TSPEAR: variants seen among roughly 807,000 people sequenced by gnomAD.
TSPEAR encodes thrombospondin-type laminin G domain and EAR repeat-containing protein.
Under a neutral mutation model 71.6 loss-of-function variants are expected in TSPEAR, and 69 were observed. That is an observed-to-expected ratio of 0.96 (90% CI 0.79 to 1.18). TSPEAR has a LOEUF of 1.18. Among genes scored for constraint, TSPEAR ranks in the 50% most tolerant of loss-of-function variants. The pLI is 0.00. For synonymous variants in TSPEAR, 402 were observed against 387.2 expected (o/e 1.04, Z -0.45); for missense variants, 971 against 894.9 (o/e 1.09, Z -1.09).
chr21:44,560,733 C>T (rs1555920885), intron 2 of TSPEAR, among the ~76,000 whole-genome samples: 1 of 152,158 alleles, frequency 6.6e-6, no homozygotes. Flanking sequence ...TGAATGACTC[C>T]TGGGTAAGTA....
intron 2 of TSPEAR, among the ~76,000 whole-genome samples, chr21:44,549,800 C>T (rs587710215): frequency 5.3e-4 from 81 of 152,366 alleles, no homozygotes; most frequent in Non-Finnish European, 9.6e-4. Flanking sequence ...CTGTTCCCAC[C>T]GGCCCTCCGC....
rs140207530 is a variant in TSPEAR at position 44,637,267 on chromosome 21, C to G, written c.83-69262G>C. 1.9e-5 allele frequency: 20 copies of G among 1,075,274 alleles called. No homozygotes were observed. The Admixed American group carries it at 4.4e-4, about 24-fold the overall frequency. 66.6% of individuals were successfully genotyped at this position (1,075,274 alleles called of 1,614,324 possible). A position where few individuals can be genotyped will look rare whatever the true frequency, so the allele number is the denominator to read the frequency against. On this transcript the variant is annotated intron_variant, in intron 1 of 11. Transcript: ENST00000323084. ...GTCCTCCCGGCTCCAAACACCAACA[C>G]GGAAGGGGAGGGCATTGCTGAGTCT...
intron 1 of TSPEAR, among the ~76,000 whole-genome samples, chr21:44,675,355 G>A (rs1271191773): frequency 3.3e-5 from 5 of 152,088 alleles, no homozygotes; most frequent in Admixed American, 6.5e-5. Context: ...TGCAGAAAAA[G>A]CATTTGACAA....
intron 1 of TSPEAR, among the ~76,000 whole-genome samples, chr21:44,569,366 G>A (rs1365838117): frequency 7.2e-5 from 11 of 152,214 alleles, no homozygotes; most frequent in Admixed American, 3.3e-4. Flanking sequence ...TACAAAAACC[G>A]GATGTGACGC....
chr21:44,598,245 A>G (rs587744012), intron 1 of TSPEAR, among the ~76,000 whole-genome samples: 2 of 152,196 alleles, frequency 1.3e-5, no homozygotes, highest in Non-Finnish European at 2.9e-5. Context: ...CCCATTATGC[A>G]TCCATTTTAT....
At chr21:44,569,385 A>G (rs1262184059) in intron 1 of TSPEAR, among the ~76,000 whole-genome samples, 2 of 152,222 alleles carry the variant, frequency 1.3e-5, no homozygotes, top group Non-Finnish European at 2.9e-5. Context: ...GCAGACGTGC[A>G]GTGCAGGAAC....
intron 3 of TSPEAR, among the ~76,000 whole-genome samples, chr21:44,532,796 C>T (rs1372972232): frequency 2.0e-5 from 3 of 152,272 alleles, no homozygotes; most frequent in Admixed American, 6.5e-5. Context: ...ACAAACCAGG[C>T]GACGGCAAAA....
intron 1 of TSPEAR, among the ~76,000 whole-genome samples, chr21:44,671,939 T>A (rs73234805): frequency 0.038 from 5,798 of 152,174 alleles, 124 homozygotes; most frequent in Middle Eastern, 0.086. Context: ...ATGGATAAAC[T>A]ATACAAATAA....
rs138711215 is a variant in TSPEAR, at chr21:44,684,617, T to G, written c.82+26816A>C. Reference sequence around the variant, plus strand: ...GAAATCCTCCCCTGCAGATGTGCGCTGCAGGCAACGTGGACAGATGTGCTT... The same window carrying G: ...GAAATCCTCCCCTGCAGATGTGCGCGGCAGGCAACGTGGACAGATGTGCTT... On this transcript the variant is annotated intron_variant, in intron 1 of 11. Transcript: ENST00000323084. Among the ~76,000 whole-genome samples the G allele has an allele frequency of 7.9e-5, 12 of 152,352 alleles. No homozygotes were observed. The East Asian group carries it at 1.9e-3, about 24-fold the overall frequency.
Position 44,533,750 on chromosome 21 carries a change from T to C in TSPEAR, c.477A>G (p.Thr159=), listed in dbSNP as rs1555916001. The C allele has an allele frequency of 1.9e-6, 3 of 1,612,248 alleles. No individual in the cohort carries two copies. The highest frequency in any genetic ancestry group is 1.7e-6 in the Non-Finnish European group (2 of 1,179,822). The change falls in exon 3 of 12, where the codon ACA becomes ACG. Residue 159 remains threonine (T), a synonymous_variant. Coordinates refer to ENST00000323084, the MANE Select transcript of TSPEAR (RefSeq NM_144991.3). ...CGCCTGCGGACACAGCCAGGACCAG[T>C]GTGTGCCAGCGGCCATCCACCAGGG... ...SPALVDGRWH[T]LVLAVSAGVF... is the part of the protein sequence containing the mutation.
chr21:44,513,790 C>T (rs1339120486), intron 9 of TSPEAR, among the ~76,000 whole-genome samples: 3 of 152,164 alleles, frequency 2.0e-5, no homozygotes, highest in African/African-American at 7.2e-5. Context: ...AGGCAGGATG[C>T]ACCCCTGGGG....
At chr21:44,651,807 G>A (rs182370344) in intron 1 of TSPEAR, among the ~76,000 whole-genome samples, 3 of 152,208 alleles carry the variant, frequency 2.0e-5, no homozygotes, top group East Asian at 3.9e-4. Flanking sequence ...CATCATTGGC[G>A]ACCATACTCA....
chr21:44,575,673 C>T (rs1292295685), intron 1 of TSPEAR, among the ~76,000 whole-genome samples: 4 of 152,224 alleles, frequency 2.6e-5, no homozygotes, highest in Non-Finnish European at 5.9e-5. Flanking sequence ...AGAATGGTGT[C>T]TTCTAGCGCC....
intron 1 of TSPEAR, among the ~76,000 whole-genome samples, chr21:44,581,077 G>A (rs465360): frequency 0.53 from 80,079 of 152,090 alleles, 25,749 homozygotes; most frequent in Non-Finnish European, 0.72. Flanking sequence ...CAGAGGGTAC[G>A]ATGAAGCTAA....
intron 1 of TSPEAR, among the ~76,000 whole-genome samples, chr21:44,620,965 C>T (rs1265949626): frequency 6.6e-6 from 1 of 152,142 alleles, no homozygotes; most frequent in Non-Finnish European, 1.5e-5. Context: ...TTTGTGAATT[C>T]CAGCTTTTCT....
At chr21:44,681,876 A>G (rs2146297549) in intron 1 of TSPEAR, 1 of 1,614,034 alleles carries the variant, frequency 6.2e-7, no homozygotes, top group East Asian at 2.2e-5. Flanking sequence ...TCTGCAGAGG[A>G]CGCTGGTGCA....
At chr21:44,630,965 G>T (rs1983220779) in intron 1 of TSPEAR, among the ~76,000 whole-genome samples, 1 of 152,088 alleles carries the variant, frequency 6.6e-6, no homozygotes, top group Non-Finnish European at 1.5e-5. Context: ...ACAGGGAAGA[G>T]GGAGAATGTG....
chr21:44,531,747 G>A (rs895149362), intron 3 of TSPEAR, among the ~76,000 whole-genome samples: 3 of 152,234 alleles, frequency 2.0e-5, no homozygotes, highest in Non-Finnish European at 2.9e-5. Context: ...CCGGCCTGGG[G>A]TGCTGGGACA....
chr21:44,621,885 C>A (rs1288935745), intron 1 of TSPEAR, among the ~76,000 whole-genome samples: 1 of 152,148 alleles, frequency 6.6e-6, no homozygotes, highest in Non-Finnish European at 1.5e-5. Context: ...GCAATCAATA[C>A]ATAGACTCCT....
Sources: allele counts gnomAD v4.1 joint callset (sites outside exome capture counted in the v4.1 genomes callset), GRCh38; gene constraint gnomAD v4.1.1; transcripts MANE v1.5; gene names NCBI Gene and HGNC (gene_info 2026-07-23, HGNC 2026-07-21).